The following LARGE1 variants were observed in gnomAD, a reference collection of about 807,000 sequenced individuals.
LARGE1 encodes the protein xylosyl- and glucuronyltransferase LARGE1.
A neutral mutation model predicts 87.6 loss-of-function variants in LARGE1; 43 were observed. The ratio of observed to expected loss-of-function variants is 0.49; its 90% CI spans 0.38 to 0.63. The LOEUF (loss-of-function observed/expected upper bound fraction) is 0.63. Ranked by LOEUF, LARGE1 falls within the 30% of genes least tolerant of loss-of-function variation. The probability of loss-of-function intolerance (pLI) is 0.00; values close to 1 mark genes in which losing one functional copy is unlikely to be tolerated. For synonymous variants in LARGE1, 434 were observed against 394.6 expected (o/e 1.10, Z -1.18); for missense variants, 802 against 1,000.2 (o/e 0.80, Z 2.67).
intron 6 of LARGE1, among the ~76,000 whole-genome samples, chr22:33,468,078 T>C (rs1313677872): frequency 6.6e-6 from 1 of 152,192 alleles, no homozygotes; most frequent in Non-Finnish European, 1.5e-5. Context: ...TCATGTTTCC[T>C]AGGATGGGGT....
chr22:33,208,779 T>C (rs1486416184), intron 11 of LARGE1, among the ~76,000 whole-genome samples: 1 of 152,182 alleles, frequency 6.6e-6, no homozygotes, highest in Non-Finnish European at 1.5e-5. Flanking sequence ...TGTCCATGTG[T>C]TCTCCTTGTT....
At chr22:33,201,873 C>T (rs1602085423) in intron 11 of LARGE1, among the ~76,000 whole-genome samples, 2 of 152,272 alleles carry the variant, frequency 1.3e-5, no homozygotes, top group South Asian at 2.1e-4. Flanking sequence ...CTTGGTGGCT[C>T]ATGCCTATAA....
At chr22:33,907,801 G>A (rs2065500554) in intron 1 of LARGE1, among the ~76,000 whole-genome samples, 2 of 152,088 alleles carry the variant, frequency 1.3e-5, no homozygotes, top group Non-Finnish European at 2.9e-5. Context: ...GTTTCACCAT[G>A]TTAGCCAGGA....
At chr22:33,335,047 A>G (rs1569067869) in intron 10 of LARGE1, among the ~76,000 whole-genome samples, 1 of 152,242 alleles carries the variant, frequency 6.6e-6, no homozygotes, top group Non-Finnish European at 1.5e-5. Context: ...ATGGGAATGC[A>G]CTGATACAAA....
the LARGE1 span, among the ~76,000 whole-genome samples, chr22:33,079,313 C>T: frequency 1.3e-5 from 2 of 150,048 alleles, no homozygotes; most frequent in South Asian, 2.1e-4. Flanking sequence ...CTGCAAGCTC[C>T]GCCTCCTGGG....
chr22:33,165,020 G>A (rs974933396), exon 12 of LARGE1: 1 of 152,186 alleles, frequency 6.6e-6, no homozygotes, highest in Non-Finnish European at 1.5e-5. Context: ...AGGAGGAAGG[G>A]AGGGTGGAAA....
the LARGE1 span, among the ~76,000 whole-genome samples, chr22:33,086,494 GAA>G: frequency 6.7e-6 from 1 of 149,690 alleles, no homozygotes; most frequent in Non-Finnish European, 1.5e-5. Context: ...GATATTGTTA[GAA>G]AAGTCTTCAA....
intron 7 of LARGE1, among the ~76,000 whole-genome samples, chr22:33,405,939 G>GAA (rs1404356984): frequency 9.2e-5 from 14 of 152,078 alleles, no homozygotes; most frequent in African/African-American, 3.4e-4. Flanking sequence ...ATCAGAGTCT[G>GAA]GAATCTTCGG....
the LARGE1 span, among the ~76,000 whole-genome samples, chr22:33,149,206 A>G: frequency 8.3e-6 from 1 of 119,790 alleles, no homozygotes; most frequent in South Asian, 4.4e-4. Context: ...CCGGCTAATT[A>G]TTTTTTTAAT....
rs144683871 is a variant in LARGE1, at chr22:33,563,460, A to G, written c.787+1388T>C. On this transcript the variant is annotated intron_variant, in intron 6 of 14. Transcript: ENST00000397394. ...GAAGAAATGCATCACTGAACACTCA[A>G]CATCAGCATAAGAAAATGAATAAAA... Among the ~76,000 whole-genome samples, 34 of 152,336 alleles carry G rather than the reference A, an allele frequency of 2.2e-4. No individual in the cohort carries two copies. In the Middle Eastern group the frequency reaches 0.014, roughly 61 times the overall value.
chr22:33,680,203 A>G (rs1319113534), intron 2 of LARGE1, among the ~76,000 whole-genome samples: 1 of 152,182 alleles, frequency 6.6e-6, no homozygotes, highest in Non-Finnish European at 1.5e-5. Context: ...CAGTAAGTGG[A>G]GAAGTAAGCG....
At chr22:33,592,671 C>T (rs2078873787) in intron 5 of LARGE1, among the ~76,000 whole-genome samples, 1 of 150,644 alleles carries the variant, frequency 6.6e-6, no homozygotes, top group Admixed American at 6.6e-5. Context: ...TTACATATCA[C>T]TCTATGTGTA....
intron 11 of LARGE1, among the ~76,000 whole-genome samples, chr22:33,212,578 A>T (rs998399495): frequency 6.6e-6 from 1 of 152,248 alleles, no homozygotes; most frequent in African/African-American, 2.4e-5. Flanking sequence ...CCATGAATCA[A>T]GAAGTACATT....
intron 1 of LARGE1, among the ~76,000 whole-genome samples, chr22:33,815,736 T>C (rs1201713501): frequency 2.0e-5 from 3 of 152,180 alleles, no homozygotes; most frequent in African/African-American, 4.8e-5. Flanking sequence ...CTGAACTCTG[T>C]CTTTCTGTGA....
intron 11 of LARGE1, among the ~76,000 whole-genome samples, chr22:33,189,267 T>C (rs1043965684): frequency 6.6e-6 from 1 of 152,214 alleles, no homozygotes; most frequent in Non-Finnish European, 1.5e-5. Flanking sequence ...ATGCTGGCTT[T>C]GTCGTCCCAG....
intron 1 of LARGE1, among the ~76,000 whole-genome samples, chr22:33,902,049 A>G (rs2065297086): frequency 6.6e-6 from 1 of 152,226 alleles, no homozygotes; most frequent in Admixed American, 6.5e-5. Flanking sequence ...CAACTTCTTG[A>G]TAAAGTGGAA....
chr22:33,291,188 A>ATGTTGG (rs1932483798), intron 12 of LARGE1, among the ~76,000 whole-genome samples: 2 of 152,148 alleles, frequency 1.3e-5, no homozygotes, highest in South Asian at 4.1e-4. Flanking sequence ...AAATTAACCT[A>ATGTTGG]TGTTGGTCCA....
intron 2 of LARGE1, among the ~76,000 whole-genome samples, chr22:33,736,489 G>A (rs1407792670): frequency 6.6e-6 from 1 of 152,044 alleles, no homozygotes; most frequent in Non-Finnish European, 1.5e-5. Flanking sequence ...TGGCTTATTT[G>A]TCTTTTCATT....
the LARGE1 span, among the ~76,000 whole-genome samples, chr22:33,072,775 C>T: frequency 7.9e-5 from 12 of 152,258 alleles, no homozygotes; most frequent in Non-Finnish European, 1.5e-4. Context: ...AAGTCTAAAT[C>T]CAAACTCAGT....
Sources: gnomAD v4.1 joint callset for allele counts (sites outside exome capture counted in the v4.1 genomes callset) on GRCh38, gnomAD v4.1.1 for gene constraint, MANE v1.5 for transcripts, NCBI Gene and HGNC (gene_info 2026-07-23, HGNC 2026-07-21) for gene names.